The following COQ8B variants were observed in gnomAD, a reference collection of about 807,000 sequenced individuals.
COQ8B encodes atypical kinase COQ8B, mitochondrial.
A neutral mutation model predicts 62.0 loss-of-function variants in COQ8B; 44 were observed. The observed-to-expected ratio is 0.71, with a 90% CI of 0.56 to 0.91. COQ8B has a LOEUF of 0.91. Among genes scored for constraint, COQ8B ranks in the 40% least tolerant of loss-of-function variants. COQ8B has a pLI of 0.00. For missense variants in COQ8B, 649 were observed against 731.6 expected, an observed-to-expected ratio of 0.89 and a Z score of 1.30; for synonymous variants, 252 against 289.9, an observed-to-expected ratio of 0.87 and a Z score of 1.33.
rs368226197 is a variant in COQ8B, at chr19:40,703,380, C to T, written c.799+161G>A. 7.2e-5 allele frequency: 52 copies of T among 718,858 alleles called. No homozygotes were observed. The African/African-American group carries it at 8.2e-4, about 11-fold the overall frequency. The allele number at this position is 718,858 out of a possible 1,614,324, so 44.5% of individuals were successfully genotyped here. ...GGCTTTTCCCACACCTGCTCATGCT[C>T]CCTGGGCTCTCCCCGCCTTGGTGTC... is the stretch of plus-strand genomic sequence containing the variant. On this transcript the variant is annotated intron_variant, in intron 9 of 14. Coordinates refer to ENST00000324464, the MANE Select transcript of COQ8B (RefSeq NM_024876.4).
chr19:40,706,706 C>A (rs374434017), intron 5 of COQ8B, among the ~76,000 whole-genome samples: 1 of 152,194 alleles, frequency 6.6e-6, no homozygotes, highest in South Asian at 2.1e-4. Flanking sequence ...GGGATCCTCC[C>A]GCCCCAGCTT....
chr19:40,714,562 C>G lies in COQ8B; in HGVS notation c.71G>C (p.Cys24Ser). Reference sequence around the variant, plus strand: ...GTGGGGCCCAGGCCCCAGGGCCCCACAAGGCCAACCAACAGTCTGGCCCAG... The same window carrying G: ...GTGGGGCCCAGGCCCCAGGGCCCCAGAAGGCCAACCAACAGTCTGGCCCAG... ...GQLGQTVGWPCGALGPGPHRW... is the reference protein window; with the variant it reads ...GQLGQTVGWPSGALGPGPHRW... The change falls in exon 2 of 15, where the codon TGT becomes TCT. Residue 24 changes from cysteine (C) to serine (S), a missense_variant. Physicochemically the swap from Cys to Ser is moderately radical, Grantham distance 112 (BLOSUM62 -1). Transcript: ENST00000324464. 1 of 1,613,448 alleles carries G rather than the reference C, an allele frequency of 6.2e-7. No homozygotes were observed. Among genetic ancestry groups the G allele is most frequent in the Non-Finnish European group, 8.5e-7 (1 of 1,179,800 alleles).
intron 5 of COQ8B, among the ~76,000 whole-genome samples, chr19:40,706,164 C>T (rs1355121481): frequency 6.6e-6 from 1 of 152,070 alleles, no homozygotes; most frequent in Non-Finnish European, 1.5e-5. Flanking sequence ...ATCCAGGGTC[C>T]AGGAGCCAAG....
In COQ8B at chr19:40,692,552, G is replaced by A. The variant is rs117003019; in HGVS notation, c.1297-179C>T. On this transcript the variant is annotated intron_variant, in intron 14 of 14. Coordinates refer to ENST00000324464, the MANE Select transcript of COQ8B (RefSeq NM_024876.4). ...CAGAGCCTGGACTAGACAAGCAGCT[G>A]CCTATTCCCCGAGTAAGCACCCCTT... 0.024 allele frequency among the ~76,000 whole-genome samples: 3,696 copies of A among 152,080 alleles called. 60 individuals carry two copies. Among genetic ancestry groups the A allele is most frequent in the Non-Finnish European group, 0.036 (2,446 of 67,968 alleles).
chr19:40,700,208 T>G (rs2082050493), intron 11 of COQ8B, 34 bp from the exon 12 acceptor site: 2 of 1,613,660 alleles, frequency 1.2e-6, no homozygotes, highest in Admixed American at 3.3e-5. Context: ...CATCTCAGTG[T>G]GATCTCCCTT....
chr19:40,702,565 G>C (rs774196385), intron 10 of COQ8B, 35 bp downstream of exon 10: 1 of 1,604,616 alleles, frequency 6.2e-7, no homozygotes, highest in Admixed American at 1.7e-5. Flanking sequence ...GCCTGGGAGG[G>C]AGGGAAGGAG....
chr19:40,697,656 T>C (rs1428588080), intron 12 of COQ8B, among the ~76,000 whole-genome samples: 2 of 148,692 alleles, frequency 1.3e-5, no homozygotes, highest in Admixed American at 6.7e-5. Flanking sequence ...ATTAGCTGGG[T>C]GTGGTGGCGC....
At chr19:40,709,710 C>T (rs781310402) in intron 5 of COQ8B, among the ~76,000 whole-genome samples, 2 of 152,106 alleles carry the variant, frequency 1.3e-5, no homozygotes. Context: ...AGCGTGGTGG[C>T]ATGTGCCTAT....
chr19:40,705,259 C>T (rs1425650652), intron 6 of COQ8B, 66 bp downstream of exon 6: 22 of 1,590,066 alleles, frequency 1.4e-5, no homozygotes, highest in Non-Finnish European at 1.9e-5. Context: ...GAAGTTGGGG[C>T]CTGTTGGTGG....
chr19:40,692,381 T>C lies in COQ8B; in HGVS notation c.1297-8A>G. ...GTGGGCGTCGGAGAATGCCTGGGAG[T>C]GGGGGTGGGGGGAGAGCAAAGGCAG... On this transcript the variant is annotated splice_polypyrimidine_tract_variant and splice_region_variant and intron_variant, in intron 14 of 14. Coordinates refer to ENST00000324464, the MANE Select transcript of COQ8B (RefSeq NM_024876.4). The C allele has an allele frequency of 6.2e-7, 1 of 1,610,444 alleles. No homozygotes were observed. Among genetic ancestry groups the C allele is most frequent in the South Asian group, 1.1e-5 (1 of 90,918 alleles).
intron 10 of COQ8B, among the ~76,000 whole-genome samples, chr19:40,702,183 A>G (rs1346799944): frequency 1.3e-5 from 2 of 152,216 alleles, no homozygotes; most frequent in Admixed American, 6.5e-5. Flanking sequence ...GATGATGCCA[A>G]CCTGTTCTCA....
At chr19:40,693,778 C>A (rs993679181) in intron 13 of COQ8B, among the ~76,000 whole-genome samples, 1 of 152,172 alleles carries the variant, frequency 6.6e-6, no homozygotes, top group East Asian at 1.9e-4. Context: ...ATGCAGGAAG[C>A]ACCGTAAATA....
intron 5 of COQ8B, among the ~76,000 whole-genome samples, chr19:40,708,970 G>A (rs2082120849): frequency 6.6e-6 from 1 of 151,412 alleles, no homozygotes. Context: ...CAGAAAAGTT[G>A]CATGCATAAT....
At position 40,695,116 on chromosome 19, in the gene COQ8B, G is replaced by A. The variant is rs1433402635; in HGVS notation, c.1209+873C>T. Reference sequence around the variant, plus strand: ...GAGGATCACCTGAGGTCAGCAGTTCGAGACCAGCCTGGGCAACATGGTGAA... The same window carrying A: ...GAGGATCACCTGAGGTCAGCAGTTCAAGACCAGCCTGGGCAACATGGTGAA... On this transcript the variant is annotated intron_variant, in intron 13 of 14. Transcript: ENST00000324464. Among the ~76,000 whole-genome samples the A allele has an allele frequency of 2.6e-5, 4 of 152,236 alleles. No individual in the cohort carries two copies. In the East Asian group the frequency reaches 5.8e-4, roughly 22 times the overall value.
intron 4 of COQ8B, among the ~76,000 whole-genome samples, chr19:40,713,234 G>A (rs940874919): frequency 4.6e-5 from 7 of 152,148 alleles, no homozygotes; most frequent in Admixed American, 2.6e-4. Context: ...GCCAGGTGTG[G>A]TGGCTCACGC....
At chr19:40,709,698 C>A (rs1460962182) in intron 5 of COQ8B, among the ~76,000 whole-genome samples, 1 of 152,060 alleles carries the variant, frequency 6.6e-6, no homozygotes, top group African/African-American at 2.4e-5. Context: ...AAAAATTAAC[C>A]AAGCGTGGTG....
In COQ8B at chr19:40,716,669, T is replaced by C. The variant is rs2082187300; in HGVS notation, c.-86A>G. 2 of 152,334 alleles carry C rather than the reference T, an allele frequency of 1.3e-5. No homozygotes were observed. The highest frequency in any genetic ancestry group is 1.3e-4 in the Admixed American group (2 of 15,278). The allele number at this position is 152,334 out of a possible 1,614,324, so 9.4% of individuals were successfully genotyped here. A position where few individuals can be genotyped will look rare whatever the true frequency, so the allele number is the denominator to read the frequency against. On this transcript the variant is annotated 5_prime_UTR_variant, in exon 1 of 15. Coordinates refer to ENST00000324464, the MANE Select transcript of COQ8B (RefSeq NM_024876.4). ...GAGGAAGGTCTCGAACCCACACCCG[T>C]GGGAACTCCAAGTCTTTGAAAGTCC...
intron 1 of COQ8B, 54 bp from the exon 2 acceptor site, chr19:40,714,689 A>G (rs2082171040): frequency 1.3e-6 from 2 of 1,481,744 alleles, no homozygotes; most frequent in Admixed American, 4.5e-5. Flanking sequence ...CTTCTTGGCC[A>G]GGCCCCCATG....
At chr19:40,706,476 G>A (rs530006771) in intron 5 of COQ8B, among the ~76,000 whole-genome samples, 1 of 152,240 alleles carries the variant, frequency 6.6e-6, no homozygotes, top group African/African-American at 2.4e-5. Context: ...TATTTTTGTT[G>A]TGTTTTTGAG....
Sources: allele counts gnomAD v4.1 joint callset (sites outside exome capture counted in the v4.1 genomes callset), GRCh38; gene constraint gnomAD v4.1.1; transcripts MANE v1.5; gene names NCBI Gene and HGNC (gene_info 2026-07-23, HGNC 2026-07-21).